Variants in SLBP observed in about 807,000 individuals in gnomAD.
The protein encoded by SLBP is histone RNA hairpin-binding protein.
Under a neutral mutation model 39.2 loss-of-function variants are expected in SLBP, and 29 were observed. The ratio of observed to expected loss-of-function variants is 0.74; its 90% CI spans 0.55 to 1.01. SLBP has a LOEUF of 1.01. SLBP is among the 50% of genes least tolerant of loss of function. SLBP has a pLI of 0.00. For synonymous variants in SLBP, 129 were observed against 118.7 expected, an observed-to-expected ratio of 1.09 and a Z score of -0.57; for missense variants, 390 against 350.2, an observed-to-expected ratio of 1.11 and a Z score of -0.91.
intron 3 of SLBP, 76 bp downstream of exon 3, chr4:1,703,520 C>G (rs1716407719): frequency 1.0e-6 from 1 of 961,136 alleles, no homozygotes; most frequent in African/African-American, 1.6e-5. Context: ...AACCACTGTT[C>G]TAAGACAAAT....
intron 2 of SLBP, among the ~76,000 whole-genome samples, chr4:1,707,545 G>A (rs2108664125): frequency 1.3e-5 from 2 of 152,088 alleles, no homozygotes; most frequent in Middle Eastern, 6.8e-3. Flanking sequence ...AAGGCTTCGA[G>A]CCCCAAATTC....
chr4:1,694,748 C>A (rs760984523), intron 7 of SLBP, 26 bp downstream of exon 7: 11 of 1,562,076 alleles, frequency 7.0e-6, no homozygotes, highest in Non-Finnish European at 9.7e-6. Flanking sequence ...AACCCCCAAG[C>A]TGAAAGACTT....
Position 1,693,617 on chromosome 4 carries a change from C to T in SLBP, c.793G>A (p.Asp265Asn). ...GGCAGTTAGCTCATGGCTGAGAAGTCTCTCAAGGGTTCAGTTAAACAAGCT... is the reference window on the plus strand; with the variant it reads ...GGCAGTTAGCTCATGGCTGAGAAGTTTCTCAAGGGTTCAGTTAAACAAGCT... ...LEACLTEPLRDFSAMS is the reference protein window; with the variant it reads ...LEACLTEPLRNFSAMS Residue 265 changes from aspartate (D) to asparagine (N), a missense_variant, in exon 8 of 8, where the codon GAC becomes AAC. Physicochemically the swap from Asp to Asn is conservative, Grantham distance 23 (BLOSUM62 1). Coordinates refer to ENST00000489418, the MANE Select transcript of SLBP (RefSeq NM_006527.4). 3.7e-6 allele frequency: 6 copies of T among 1,611,754 alleles called. No individual in the cohort carries two copies. Among genetic ancestry groups the T allele is most frequent in the Non-Finnish European group, 5.1e-6 (6 of 1,177,850 alleles).
rs368558731 is a variant in SLBP at position 1,700,008 on chromosome 4, T to C, written c.341+3A>G. The C allele has an allele frequency of 8.2e-6, 13 of 1,589,104 alleles. No individual in the cohort carries two copies. Among genetic ancestry groups the C allele is most frequent in the Non-Finnish European group, 1.1e-5 (13 of 1,163,992 alleles). On this transcript the variant is annotated splice_donor_region_variant and intron_variant, in intron 4 of 7. Coordinates refer to ENST00000489418, the MANE Select transcript of SLBP (RefSeq NM_006527.4). ...AGAAAAGAAACATTTACACAGCCTT[T>C]ACCTTCCTGATGATGATTTTCTCTC... is the stretch of plus-strand genomic sequence containing the variant.
At chr4:1,711,715 G>A (rs1577190624) in intron 2 of SLBP, among the ~76,000 whole-genome samples, 159 bp downstream of exon 2, 1 of 152,232 alleles carries the variant, frequency 6.6e-6, no homozygotes, top group African/African-American at 2.4e-5. Context: ...CAGGCCTGCT[G>A]CGGCCGCCCC....
intron 2 of SLBP, among the ~76,000 whole-genome samples, chr4:1,709,492 A>G (rs1716650337): frequency 6.6e-6 from 1 of 152,188 alleles, no homozygotes; most frequent in South Asian, 2.1e-4. Context: ...GCCCGCTCCC[A>G]CTAGCTACTC....
rs2854911 is a variant in SLBP, at chr4:1,703,720, C to T, written c.177-20G>A. On this transcript the variant is annotated intron_variant, in intron 2 of 7. Transcript: ENST00000489418. ...GTAAAGCTGCAATAAAAGGAAAATG[C>T]TACTGAACCATGACACATACTTTGT... 29,251 of 1,477,380 alleles carry T rather than the reference C, an allele frequency of 0.02. 510 individuals carry two copies. The highest frequency in any genetic ancestry group is 0.068 in the South Asian group (6,040 of 88,464). The allele number at this position is 1,477,380 out of a possible 1,614,324, so 91.5% of individuals were successfully genotyped here.
chr4:1,704,283 AAACC>A (rs1184812659), intron 2 of SLBP, among the ~76,000 whole-genome samples: 1 of 152,154 alleles, frequency 6.6e-6, no homozygotes, highest in Non-Finnish European at 1.5e-5. Context: ...GCAGTCAGAA[AAACC>A]CATATCTAGT....
chr4:1,705,831 A>G (rs1716496914), intron 2 of SLBP, among the ~76,000 whole-genome samples: 2 of 152,192 alleles, frequency 1.3e-5, no homozygotes, highest in South Asian at 4.1e-4. Flanking sequence ...TCTCCAAAAT[A>G]AATAAATACC....
At position 1,712,252 on chromosome 4, in the gene SLBP, G is replaced by A. The variant is rs1195390431; in HGVS notation, c.-64C>T. On this transcript the variant is annotated 5_prime_UTR_variant, in exon 1 of 8. Transcript: ENST00000489418. ...GAGGCGGCGGCGGCGCGGGCAGAGA[G>A]CGCAGAGTAGAGCAGGGCAGGGCCT... 33 of 1,054,110 alleles carry A rather than the reference G, an allele frequency of 3.1e-5. No homozygotes were observed. Among genetic ancestry groups the A allele is most frequent in the Admixed American group, 3.8e-5 (1 of 25,998 alleles). The allele number at this position is 1,054,110 out of a possible 1,614,324, so 65.3% of individuals were successfully genotyped here. A position where few individuals can be genotyped will look rare whatever the true frequency, so the allele number is the denominator to read the frequency against.
At chr4:1,699,867 C>T (rs923278914) in intron 4 of SLBP, 144 bp downstream of exon 4, 2 of 784,356 alleles carry the variant, frequency 2.5e-6, no homozygotes, top group Admixed American at 2.7e-5. Context: ...ATTTAGTACA[C>T]AACAGATACA....
At chr4:1,710,948 G>C (rs1374764847) in intron 2 of SLBP, among the ~76,000 whole-genome samples, 2 of 151,736 alleles carry the variant, frequency 1.3e-5, no homozygotes, top group Non-Finnish European at 2.9e-5. Flanking sequence ...CTGCTGGGGA[G>C]GCTGAGGCAG....
At chr4:1,694,870 G>A (rs1716049560) in intron 6 of SLBP, 30 bp from the exon 7 acceptor site, 2 of 1,525,280 alleles carry the variant, frequency 1.3e-6, no homozygotes, top group South Asian at 1.1e-5. Flanking sequence ...ATGTGCGTCA[G>A]GCACTAACTT....
At chr4:1,699,310 C>A (rs1716237362) in intron 5 of SLBP, among the ~76,000 whole-genome samples, 1 of 152,126 alleles carries the variant, frequency 6.6e-6, no homozygotes, top group Non-Finnish European at 1.5e-5. Context: ...TCTATGATTG[C>A]TGACTCCTAA....
chr4:1,699,865 C>T (rs975188380), intron 4 of SLBP, 146 bp downstream of exon 4: 2 of 787,766 alleles, frequency 2.5e-6, no homozygotes, highest in African/African-American at 3.5e-5. Context: ...GAATTTAGTA[C>T]ACAACAGATA....
At chr4:1,711,842 A>C (rs1329149428) in intron 2 of SLBP, 32 bp downstream of exon 2, 2 of 1,209,662 alleles carry the variant, frequency 1.7e-6, no homozygotes, top group South Asian at 4.7e-5. Flanking sequence ...CAAGGGCCCC[A>C]CCGCGCCCCG....
chr4:1,694,913 A>C (rs1345722689), intron 6 of SLBP, 73 bp from the exon 7 acceptor site: 20 of 1,008,176 alleles, frequency 2.0e-5, no homozygotes, highest in Non-Finnish European at 3.2e-6. Context: ...CTACAGACAA[A>C]CCCCATCCAT....
chr4:1,709,614 T>C (rs1325018806), intron 2 of SLBP, among the ~76,000 whole-genome samples: 1 of 88,144 alleles, frequency 1.1e-5, no homozygotes, highest in East Asian at 2.8e-4. Flanking sequence ...CATCTACTTC[T>C]TTTTTTTTTT....
At chr4:1,696,427 CTA>C in intron 5 of SLBP, 76 bp from the exon 6 acceptor site, 1 of 1,220,024 alleles carries the variant, frequency 8.2e-7, no homozygotes. Flanking sequence ...ATTAACCAAA[CTA>C]TGAGATTAGT....
Sources: gnomAD v4.1 joint callset for allele counts (sites outside exome capture counted in the v4.1 genomes callset) on GRCh38, gnomAD v4.1.1 for gene constraint, MANE v1.5 for transcripts, NCBI Gene and HGNC (gene_info 2026-07-23, HGNC 2026-07-21) for gene names.